PDE8B: variants seen among roughly 807,000 people sequenced by gnomAD.
The protein encoded by PDE8B is phosphodiesterase 8B, also known as high affinity cAMP-specific and IBMX-insensitive 3',5'-cyclic phosphodiesterase 8B.
Under a neutral mutation model 101.3 loss-of-function variants are expected in PDE8B, and 26 were observed. The ratio of observed to expected loss-of-function variants is 0.26; its 90% CI spans 0.19 to 0.36. The LOEUF is 0.36. Among genes scored for constraint, PDE8B ranks in the 10% least tolerant of loss-of-function variants. The probability of loss-of-function intolerance (pLI) is 1.00; values close to 1 mark genes in which losing one functional copy is unlikely to be tolerated. For missense variants in PDE8B, 810 were observed against 1,163.1 expected (o/e 0.70, Z 4.42); for synonymous variants, 424 against 429.3 (o/e 0.99, Z 0.15).
At chr5:77,112,446 C>T in the PDE8B span, 3 of 152,206 alleles carry the variant, frequency 2.0e-5, no homozygotes, top group African/African-American at 4.8e-5. Flanking sequence ...TCCATTATCT[C>T]GTTGAAAGTC....
chr5:77,353,238 A>G (rs1781475154), intron 9 of PDE8B, 108 bp from the exon 10 acceptor site: 2 of 738,700 alleles, frequency 2.7e-6, no homozygotes, highest in Admixed American at 3.8e-5. Context: ...AAACTGCCCT[A>G]GGACGAACCC....
chr5:77,348,484 C>T (rs1381242540), intron 7 of PDE8B, among the ~76,000 whole-genome samples: 1 of 152,158 alleles, frequency 6.6e-6, no homozygotes, highest in Non-Finnish European at 1.5e-5. Flanking sequence ...TTCACACCTG[C>T]CTGAGCCCAG....
At chr5:77,204,150 C>T in the PDE8B span, among the ~76,000 whole-genome samples, 1 of 149,928 alleles carries the variant, frequency 6.7e-6, no homozygotes, top group Middle Eastern at 3.6e-3. Flanking sequence ...TGGCTCATGC[C>T]TGTAATCCCA....
rs79966361 is a variant in PDE8B, at chr5:77,276,768, C to A, written c.340-35226C>A. 5.4e-3 allele frequency among the ~76,000 whole-genome samples: 826 copies of A among 152,284 alleles called. 9 individuals are homozygous for A. Among genetic ancestry groups the A allele is most frequent in the African/African-American group, 0.019 (791 of 41,550 alleles). The stretch of plus-strand genomic sequence containing the variant: ...AAGTAAAGGATAAAATTGTAAAATA[C>A]TGGATGAGAGTATTCCTTAAATACA... On this transcript the variant is annotated intron_variant, in intron 1 of 21. Transcript: ENST00000264917.
the PDE8B span, chr5:77,092,654 C>A: frequency 1.3e-5 from 2 of 152,244 alleles, no homozygotes; most frequent in African/African-American, 4.8e-5. Flanking sequence ...TGCAGCGGCT[C>A]ACACCTGTAA....
At chr5:77,340,941 A>G (rs1489087813) in intron 6 of PDE8B, among the ~76,000 whole-genome samples, 1 of 152,106 alleles carries the variant, frequency 6.6e-6, no homozygotes, top group Non-Finnish European at 1.5e-5. Flanking sequence ...GATATTACCT[A>G]TACTTCATGG....
At chr5:77,140,205 A>G in the PDE8B span, 1 of 152,108 alleles carries the variant, frequency 6.6e-6, no homozygotes, top group African/African-American at 2.4e-5. Context: ...CTTGGCTTCA[A>G]GTTTTTCTGT....
At chr5:77,282,567 C>G (rs938885879) in intron 1 of PDE8B, among the ~76,000 whole-genome samples, 7 of 152,094 alleles carry the variant, frequency 4.6e-5, no homozygotes, top group African/African-American at 1.7e-4. Context: ...TGTGGGGAGG[C>G]CTTCCCTTCT....
intron 10 of PDE8B, among the ~76,000 whole-genome samples, chr5:77,379,005 T>G (rs1786923641): frequency 6.6e-6 from 1 of 152,164 alleles, no homozygotes; most frequent in African/African-American, 2.4e-5. Context: ...ATAAAACATT[T>G]AAGCCTGAAT....
intron 11 of PDE8B, among the ~76,000 whole-genome samples, chr5:77,400,873 GA>G (rs1471568303): frequency 6.6e-6 from 1 of 151,586 alleles, no homozygotes; most frequent in Non-Finnish European, 1.5e-5. Flanking sequence ...CCATTAGAGG[GA>G]AAAAAAATCA....
At chr5:77,271,673 G>C (rs576585371) in intron 1 of PDE8B, among the ~76,000 whole-genome samples, 3 of 152,192 alleles carry the variant, frequency 2.0e-5, no homozygotes, top group African/African-American at 7.2e-5. Flanking sequence ...ATCAATAACA[G>C]ATGGAAGGAA....
At chr5:77,392,748 G>A (rs1469653841) in intron 10 of PDE8B, among the ~76,000 whole-genome samples, 1 of 152,112 alleles carries the variant, frequency 6.6e-6, no homozygotes, top group African/African-American at 2.4e-5. Flanking sequence ...CCTGTAGGGA[G>A]GGTGGCTATA....
intron 2 of PDE8B, among the ~76,000 whole-genome samples, chr5:77,313,422 A>G (rs898498350): frequency 3.3e-5 from 5 of 152,222 alleles, no homozygotes; most frequent in African/African-American, 1.2e-4. Context: ...GGAAAATTTC[A>G]GTAATCATTC....
the PDE8B span, among the ~76,000 whole-genome samples, chr5:77,157,750 A>C: frequency 6.6e-6 from 1 of 152,206 alleles, no homozygotes; most frequent in Non-Finnish European, 1.5e-5. Flanking sequence ...AGTTCCCCAC[A>C]TGTCTTTCCC....
chr5:77,407,096 G>A (rs764997737), intron 12 of PDE8B, among the ~76,000 whole-genome samples: 5 of 152,190 alleles, frequency 3.3e-5, no homozygotes, highest in Non-Finnish European at 7.3e-5. Context: ...CTGTTGGAAT[G>A]AGGCCTTTTT....
the PDE8B span, among the ~76,000 whole-genome samples, chr5:77,198,924 T>G: frequency 1.6e-4 from 25 of 152,282 alleles, no homozygotes; most frequent in South Asian, 5.2e-3. Context: ...TTGTTTCTGG[T>G]TTTTGTTGCA....
intron 1 of PDE8B, among the ~76,000 whole-genome samples, chr5:77,236,825 G>T (rs1428517603): frequency 2.0e-5 from 3 of 152,078 alleles, no homozygotes; most frequent in African/African-American, 4.8e-5. Context: ...GTATTGTTTG[G>T]TTTTTCTATA....
Position 77,211,101 on chromosome 5 carries a change from C to T in PDE8B, c.176C>T (p.Ser59Leu), listed in dbSNP as rs1241860034. The T allele has an allele frequency of 1.3e-6, 2 of 1,492,414 alleles. No homozygotes were observed. Among genetic ancestry groups the T allele is most frequent in the Non-Finnish European group, 8.9e-7 (1 of 1,127,834 alleles). 92.4% of individuals were successfully genotyped at this position (1,492,414 alleles called of 1,614,324 possible). ...AADAIPPSRA[S>L]GPPSVARVRR... The stretch of plus-strand genomic sequence containing the variant: ...GACGCCATCCCCCCGAGCCGCGCGT[C>T]GGGACCCCCCAGCGTAGCCCGCGTC... The change falls in exon 1 of 22, where the codon TCG (serine) becomes TTG (leucine). Residue 59 changes from serine to leucine, a missense_variant. Ser to Leu is a moderately radical substitution (Grantham distance 145, BLOSUM62 -2). Around this residue, in one of 4 missense-constraint regions of PDE8B, gnomAD observed 159 missense variants for 146.6 expected, o/e 1.08. Transcript: ENST00000264917. This position sits in a 1 kb window ranked among gnomAD's most constrained non-coding sequence, Gnocchi z 4.1.
At chr5:77,227,377 T>C (rs1218912624) in intron 1 of PDE8B, among the ~76,000 whole-genome samples, 1 of 152,188 alleles carries the variant, frequency 6.6e-6, no homozygotes, top group Admixed American at 6.5e-5. Context: ...AAGTTGTACA[T>C]GAATGGGTGA....
Sources: allele counts gnomAD v4.1 joint callset (sites outside exome capture counted in the v4.1 genomes callset), GRCh38; gene constraint gnomAD v4.1.1; regional missense constraint gnomAD v4.1.1; non-coding constraint Gnocchi (gnomAD v3.1); transcripts MANE v1.5; gene names NCBI Gene and HGNC (gene_info 2026-07-23, HGNC 2026-07-21).